The following PIGG variants were observed in gnomAD, a reference collection of about 807,000 sequenced individuals.
PIGG encodes the protein phosphatidylinositol glycan anchor biosynthesis class G (EMM blood group).
In PIGG, 70 loss-of-function variants were observed where a neutral mutation model predicts 83.2. That is an observed-to-expected ratio of 0.84 (90% CI 0.69 to 1.03). The LOEUF is 1.03. Ranked by LOEUF, PIGG falls within the 50% of genes least tolerant of loss-of-function variation. PIGG has a pLI of 0.00. For missense variants in PIGG, 1,257 were observed against 1,233.6 expected, an observed-to-expected ratio of 1.02 and a Z score of -0.28; for synonymous variants, 532 against 519.5, an observed-to-expected ratio of 1.02 and a Z score of -0.33.
chr4:530,367 T>C, intron 10 of PIGG, 69 bp from the exon 11 acceptor site: 1 of 1,170,846 alleles, frequency 8.5e-7, no homozygotes, highest in Non-Finnish European at 1.2e-6. Flanking sequence ...GGTGTGTTTT[T>C]CATGGGAAAA....
At chr4:506,639 C>A in intron 3 of PIGG, 1 of 388,754 alleles carries the variant, frequency 2.6e-6, no homozygotes, top group South Asian at 1.8e-5. Flanking sequence ...CACTTCTCTT[C>A]ATAGGAGATT....
At chr4:520,576 G>T (rs1316163629) in intron 6 of PIGG, among the ~76,000 whole-genome samples, 1 of 152,266 alleles carries the variant, frequency 6.6e-6, no homozygotes, top group African/African-American at 2.4e-5. Flanking sequence ...GGAAGTGGGT[G>T]TGGCAGAGAA....
chr4:518,364 C>T (rs1460142773), intron 6 of PIGG, among the ~76,000 whole-genome samples: 4 of 152,152 alleles, frequency 2.6e-5, no homozygotes, highest in Admixed American at 6.5e-5. Context: ...GAGGCTGAGG[C>T]GGGGGGATCA....
At chr4:500,162 C>T in intron 1 of PIGG, 1 of 550,880 alleles carries the variant, frequency 1.8e-6, no homozygotes, top group South Asian at 2.1e-5. Context: ...TACTCTTCAC[C>T]ATACTGAGGA....
chr4:509,108 G>C (rs1720954954), intron 5 of PIGG, 138 bp downstream of exon 5: 2 of 628,954 alleles, frequency 3.2e-6, no homozygotes, highest in South Asian at 4.8e-5. Context: ...AAAAGTAATT[G>C]GGCAAAAGGC....
rs782000320 is a variant in PIGG at position 499,291 on chromosome 4, G to A, written c.-45G>A. 6 of 1,588,526 alleles carry A rather than the reference G, an allele frequency of 3.8e-6. No individual in the cohort carries two copies. The African/African-American group carries it at 4.0e-5, about 11-fold the overall frequency. On this transcript the variant is annotated 5_prime_UTR_variant, in exon 1 of 13. Coordinates refer to ENST00000453061, the MANE Select transcript of PIGG (RefSeq NM_001127178.3). The stretch of plus-strand genomic sequence containing the variant: ...CGGAAGCGCGGCTGCAGCAGGGCGA[G>A]GCTCCAGGTGGGGTCGGTTCCGCAT...
At chr4:501,455 G>C (rs1300503717) in intron 2 of PIGG, 1 of 294,496 alleles carries the variant, frequency 3.4e-6, no homozygotes, top group Non-Finnish European at 6.7e-6. Flanking sequence ...GGGACAGAAA[G>C]GAGCAGAGGG....
At chr4:531,076 C>T (rs1326677872) in intron 11 of PIGG, 1 of 265,742 alleles carries the variant, frequency 3.8e-6, no homozygotes, top group Non-Finnish European at 7.1e-6. Flanking sequence ...TCGTTCATGC[C>T]CTTTGCCCCT....
rs1722582360 is a variant in PIGG at position 512,761 on chromosome 4, G to A, written c.902-3212G>A. On this transcript the variant is annotated intron_variant, in intron 5 of 12. Transcript: ENST00000453061. ...ACCCGGGAGGCAGAGGTTGCAGTGAGCCGAGATCGCACCACTGCACTCCAG... is the reference window on the plus strand; with the variant it reads ...ACCCGGGAGGCAGAGGTTGCAGTGAACCGAGATCGCACCACTGCACTCCAG... Among the ~76,000 whole-genome samples the A allele has an allele frequency of 2.0e-5, 3 of 152,044 alleles. No individual in the cohort carries two copies. In the South Asian group the frequency reaches 6.2e-4, roughly 31 times the overall value.
chr4:508,884 C>T lies in PIGG; in HGVS notation c.815C>T (p.Ser272Phe). 1.2e-6 allele frequency: 2 copies of T among 1,613,700 alleles called. No homozygotes were observed. Among genetic ancestry groups the T allele is most frequent in the Non-Finnish European group, 1.7e-6 (2 of 1,179,652 alleles). Reference sequence around the variant, plus strand: ...GTTCTTTGTGGTGACCATGGCATGTCTGAAACAGGAAGTCACGGGGCCTCC... The same window carrying T: ...GTTCTTTGTGGTGACCATGGCATGTTTGAAACAGGAAGTCACGGGGCCTCC... ...LLVLCGDHGM[S>F]ETGSHGASST... Residue 272 changes from serine (S) to phenylalanine (F), a missense_variant, in exon 5 of 13, where the codon TCT becomes TTT. Transcript: ENST00000453061.
intron 10 of PIGG, 132 bp downstream of exon 10, chr4:527,362 T>A (rs1682857662): frequency 2.9e-6 from 4 of 1,395,656 alleles, no homozygotes; most frequent in Non-Finnish European, 3.7e-6. Context: ...AGCATTGGAG[T>A]TTGGTGTTTG....
chr4:511,533 C>T (rs2108840199), intron 5 of PIGG, among the ~76,000 whole-genome samples: 1 of 152,286 alleles, frequency 6.6e-6, no homozygotes, highest in South Asian at 2.1e-4. Flanking sequence ...CCACCCGCCA[C>T]CTCTGTGCTG....
intron 11 of PIGG, chr4:533,167 G>C (rs942576275): frequency 1.3e-5 from 2 of 153,196 alleles, no homozygotes; most frequent in Admixed American, 1.3e-4. Context: ...TACCTACCAG[G>C]GCTGGGCCGG....
chr4:518,465 C>T (rs539325891), intron 6 of PIGG, among the ~76,000 whole-genome samples: 15 of 152,200 alleles, frequency 9.9e-5, no homozygotes, highest in East Asian at 3.9e-4. Flanking sequence ...TGGTGGCAGG[C>T]GCCTGTAGGC....
chr4:504,330 C>T (rs562341779), intron 2 of PIGG, among the ~76,000 whole-genome samples: 1 of 152,114 alleles, frequency 6.6e-6, no homozygotes, highest in Non-Finnish European at 1.5e-5. Context: ...TTCATAACCT[C>T]CCTGGGTGTG....
chr4:528,812 G>T lies in PIGG; in HGVS notation c.2261+1582G>T. ...TTCCTGCAGCATGTAATTTGCTAGT[G>T]TCCAGAACTAGCCAGTGTGCCTTTT... On this transcript the variant is annotated intron_variant, in intron 10 of 12. Transcript: ENST00000453061. This position sits in a 1 kb window ranked among gnomAD's most constrained non-coding sequence, Gnocchi z 4.8. 1 of 756,338 alleles carries T rather than the reference G, an allele frequency of 1.3e-6. No individual in the cohort carries two copies. Among genetic ancestry groups the T allele is most frequent in the Non-Finnish European group, 1.6e-6 (1 of 620,990 alleles). The allele number at this position is 756,338 out of a possible 1,614,324, so 46.9% of individuals were successfully genotyped here. A position where few individuals can be genotyped will look rare whatever the true frequency, so the allele number is the denominator to read the frequency against.
intron 9 of PIGG, among the ~76,000 whole-genome samples, chr4:526,432 C>T (rs1463742524): frequency 1.3e-5 from 2 of 152,252 alleles, no homozygotes; most frequent in African/African-American, 4.8e-5. Flanking sequence ...GGACTCCGGG[C>T]TCTGCCCTCT....
intron 9 of PIGG, 54 bp from the exon 10 acceptor site, chr4:526,985 T>C (rs948253952): frequency 2.5e-6 from 4 of 1,605,840 alleles, no homozygotes; most frequent in African/African-American, 1.3e-5. Flanking sequence ...TTGGTGTAGA[T>C]TGATCTTGTC....
At position 516,147 on chromosome 4, in the gene PIGG, G is replaced by A; in HGVS notation, c.1076G>A (p.Ser359Asn). 6.2e-7 allele frequency: 1 copy of A among 1,613,992 alleles called. No individual in the cohort carries two copies. Among genetic ancestry groups the A allele is most frequent in the Non-Finnish European group, 8.5e-7 (1 of 1,179,836 alleles). Residue 359 changes from serine to asparagine, a missense_variant, in exon 6 of 13, where the codon AGT becomes AAT. Physicochemically the swap from Ser to Asn is conservative, Grantham distance 46. Transcript: ENST00000453061. ...RFLHLNTVQLSKLLQENVPSY... is the reference protein window; with the variant it reads ...RFLHLNTVQLNKLLQENVPSY... ...TTACATTTGAATACAGTGCAGCTTA[G>A]TAAACTGTTGCAAGAGAATGTGCCG...
Sources: gnomAD v4.1 joint callset for allele counts (sites outside exome capture counted in the v4.1 genomes callset) on GRCh38, gnomAD v4.1.1 for gene constraint, Gnocchi (gnomAD v3.1) non-coding constraint, MANE v1.5 for transcripts, NCBI Gene and HGNC (gene_info 2026-07-23, HGNC 2026-07-21) for gene names.